The following ZNF223 variants were observed in gnomAD, a reference collection of about 807,000 sequenced individuals.
ZNF223 encodes zinc finger protein 223, also known as Homo sapiens zinc finger protein 223.
Under a neutral mutation model 12.3 loss-of-function variants are expected in ZNF223, and 9 were observed. That is an observed-to-expected ratio of 0.73 (90% confidence interval 0.44 to 1.28). The LOEUF is 1.28. Ranked by LOEUF, ZNF223 falls within the 50% of genes most tolerant of loss-of-function variation. The pLI is 0.00. For missense variants in ZNF223, 506 were observed against 579.0 expected (o/e 0.87, Z 1.29); for synonymous variants, 171 against 195.2 (o/e 0.88, Z 1.03).
chr19:44,060,849 G>A lies in ZNF223; in HGVS notation c.235+8G>A. 1 of 1,608,678 alleles carries A rather than the reference G, an allele frequency of 6.2e-7. No individual in the cohort carries two copies. The highest frequency in any genetic ancestry group is 1.1e-5 in the South Asian group (1 of 90,660). The stretch of plus-strand genomic sequence containing the variant: ...AAAGGGAAGGGAATTCAGGTAAGAA[G>A]CACGCAACTGTGTGTCCTTGTTTGT... On this transcript the variant is annotated splice_region_variant and intron_variant, in intron 4 of 4. Coordinates refer to ENST00000434772, the MANE Select transcript of ZNF223 (RefSeq NM_013361.6).
intron 1 of ZNF223, among the ~76,000 whole-genome samples, chr19:44,054,018 C>T (rs1282231964): frequency 2.0e-5 from 3 of 152,172 alleles, no homozygotes; most frequent in Non-Finnish European, 4.4e-5. Context: ...TTTCTTAGTA[C>T]AGATCAAAAT....
Position 44,067,673 on chromosome 19 carries a change from C to T in ZNF223, c.*396C>T, listed in dbSNP as rs940466105. The stretch of plus-strand genomic sequence containing the variant: ...CCATAGCTCAGCATACCCCAGTGGT[C>T]GTGGGACTGTCAGAGCAGAGAATGC... On this transcript the variant is annotated 3_prime_UTR_variant, in exon 5 of 5. Coordinates refer to ENST00000434772, the MANE Select transcript of ZNF223 (RefSeq NM_013361.6). 3 of 380,684 alleles carry T rather than the reference C, an allele frequency of 7.9e-6. No homozygotes were observed. The highest frequency in any genetic ancestry group is 4.1e-5 in the African/African-American group (2 of 48,242). The allele number at this position is 380,684 out of a possible 1,614,324, so 23.6% of individuals were successfully genotyped here. A position where few individuals can be genotyped will look rare whatever the true frequency, so the allele number is the denominator to read the frequency against.
chr19:44,062,494 G>A (rs569663494), intron 4 of ZNF223, among the ~76,000 whole-genome samples: 2 of 151,972 alleles, frequency 1.3e-5, no homozygotes, highest in African/African-American at 4.8e-5. Context: ...CCAAACCCAT[G>A]GATATGGAGG....
rs188107435 is a variant in ZNF223, at chr19:44,057,703, C to T, written c.15+2512C>T. The stretch of plus-strand genomic sequence containing the variant: ...CAGACTCTCAGAATGTGCACTGAGG[C>T]ATTCTGGCTTCTGATCAGGACACTA... On this transcript the variant is annotated intron_variant, in intron 2 of 4. Transcript: ENST00000434772. 7.6e-4 allele frequency among the ~76,000 whole-genome samples: 116 copies of T among 152,312 alleles called. 4 individuals are homozygous for T. In the East Asian group the frequency reaches 0.016, roughly 21 times the overall value.
At chr19:44,065,537 AT>A (rs1387438502) in intron 4 of ZNF223, among the ~76,000 whole-genome samples, 1 of 142,730 alleles carries the variant, frequency 7.0e-6, no homozygotes, top group African/African-American at 2.6e-5. Flanking sequence ...TCTATCAATG[AT>A]TTTTTATTTG....
chr19:44,061,994 A>G (rs887892757), intron 4 of ZNF223, among the ~76,000 whole-genome samples: 1 of 152,210 alleles, frequency 6.6e-6, no homozygotes, highest in Admixed American at 6.5e-5. Context: ...CCTTTCAAAT[A>G]TAATCTCTAC....
chr19:44,067,274 G>A lies in ZNF223; in HGVS notation c.1446G>A (p.Thr482=), dbSNP rs368786392. The part of the protein sequence containing the change: ...DIILSLFLND[T] The stretch of plus-strand genomic sequence containing the variant: ...TTTTATCATTATTTTTAAATGACAC[G>A]TAAGTGTTGTACATATTTATGGGGT... The change falls in exon 5 of 5, where the codon ACG becomes ACA. Residue 482 remains threonine, a synonymous_variant. Transcript: ENST00000434772. 2.3e-5 allele frequency: 37 copies of A among 1,605,754 alleles called. No homozygotes were observed. The highest frequency in any genetic ancestry group is 2.0e-4 in the East Asian group (9 of 44,510).
intron 4 of ZNF223, among the ~76,000 whole-genome samples, chr19:44,065,457 G>A (rs1400445339): frequency 6.6e-6 from 1 of 151,876 alleles, no homozygotes; most frequent in African/African-American, 2.4e-5. Flanking sequence ...TTCAGACTGA[G>A]TTGGAAATTT....
rs1256428191 is a variant in ZNF223, at chr19:44,066,844, C to T, written c.1016C>T (p.Thr339Ile). 6 of 1,614,080 alleles carry T rather than the reference C, an allele frequency of 3.7e-6. No homozygotes were observed. Among genetic ancestry groups the T allele is most frequent in the Non-Finnish European group, 4.2e-6 (5 of 1,180,056 alleles). Residue 339 changes from threonine to isoleucine, a missense_variant, in exon 5 of 5, where the codon ACA becomes ATA. Thr to Ile is a moderately conservative substitution (Grantham distance 89, BLOSUM62 -1). Coordinates refer to ENST00000434772, the MANE Select transcript of ZNF223 (RefSeq NM_013361.6). The part of the protein sequence containing the change: ...LDLCKHQTIH[T>I]GEKPYNCKEC... The stretch of plus-strand genomic sequence containing the variant: ...TTGTGTAAGCATCAGACGATCCACA[C>T]AGGAGAGAAACCATATAATTGTAAA...
intron 2 of ZNF223, among the ~76,000 whole-genome samples, chr19:44,059,279 G>C (rs545648659): frequency 6.6e-6 from 1 of 152,184 alleles, no homozygotes; most frequent in Admixed American, 6.5e-5. Flanking sequence ...AACATGGTGC[G>C]AGAAAGCACA....
At chr19:44,057,034 A>G (rs765518469) in intron 2 of ZNF223, among the ~76,000 whole-genome samples, 2 of 152,232 alleles carry the variant, frequency 1.3e-5, no homozygotes, top group Non-Finnish European at 2.9e-5. Context: ...GGAACAAAGA[A>G]TACTAAAAGG....
chr19:44,058,723 G>T (rs1366118557), intron 2 of ZNF223, among the ~76,000 whole-genome samples: 1 of 152,224 alleles, frequency 6.6e-6, no homozygotes. Flanking sequence ...GGATGTTGCT[G>T]GGCTCCCAAG....
At chr19:44,064,054 A>G (rs1398686417) in intron 4 of ZNF223, among the ~76,000 whole-genome samples, 4 of 152,220 alleles carry the variant, frequency 2.6e-5, no homozygotes, top group African/African-American at 9.6e-5. Flanking sequence ...ATGAACCATA[A>G]TAAGAAACAC....
chr19:44,055,634 T>G (rs1430741162), intron 2 of ZNF223, among the ~76,000 whole-genome samples: 2 of 151,924 alleles, frequency 1.3e-5, no homozygotes, highest in African/African-American at 4.8e-5. Context: ...CTGGGCATGG[T>G]GGTACATGCC....
At chr19:44,054,675 A>G (rs10164312) in intron 1 of ZNF223, among the ~76,000 whole-genome samples, 4,385 of 152,222 alleles carry the variant, frequency 0.029, 200 homozygotes, top group African/African-American at 0.1. Context: ...TTCATCCCCC[A>G]GTTGGACTCC....
chr19:44,054,246 C>A (rs1312563172), intron 1 of ZNF223, among the ~76,000 whole-genome samples: 1 of 151,472 alleles, frequency 6.6e-6, no homozygotes, highest in Non-Finnish European at 1.5e-5. Flanking sequence ...AATAGGATGC[C>A]CTTTTCATTG....
intron 4 of ZNF223, among the ~76,000 whole-genome samples, chr19:44,061,779 C>T (rs1976842138): frequency 6.6e-6 from 1 of 152,212 alleles, no homozygotes; most frequent in African/African-American, 2.4e-5. Flanking sequence ...CCTCAGGGCC[C>T]TCACTTGCTT....
chr19:44,054,656 G>A (rs1049556957), intron 1 of ZNF223, among the ~76,000 whole-genome samples: 1 of 151,946 alleles, frequency 6.6e-6, no homozygotes, highest in African/African-American at 2.4e-5. Flanking sequence ...TAATTCAGCC[G>A]AGATCACTTT....
intron 2 of ZNF223, among the ~76,000 whole-genome samples, chr19:44,057,097 C>G (rs916174378): frequency 1.3e-5 from 2 of 152,236 alleles, no homozygotes; most frequent in East Asian, 3.9e-4. Flanking sequence ...AGTGGTGATA[C>G]TCATTTATAA....
Sources: allele counts gnomAD v4.1 joint callset (sites outside exome capture counted in the v4.1 genomes callset), GRCh38; gene constraint gnomAD v4.1.1; transcripts MANE v1.5; gene names NCBI Gene and HGNC (gene_info 2026-07-23, HGNC 2026-07-21).